The following RMDN1 variants were observed in gnomAD, a reference collection of about 807,000 sequenced individuals.
The protein encoded by RMDN1 is regulator of microtubule dynamics protein 1.
Under a neutral mutation model 48.9 loss-of-function variants are expected in RMDN1, and 48 were observed. The observed-to-expected ratio is 0.98, with a 90% confidence interval of 0.78 to 1.25. The LOEUF (loss-of-function observed/expected upper bound fraction) is 1.25, where lower values mean the gene tolerates loss of function less well. Ranked by LOEUF, RMDN1 falls within the 50% of genes most tolerant of loss-of-function variation. RMDN1 has a pLI of 0.00. For synonymous variants in RMDN1, 148 were observed against 132.6 expected (o/e 1.12, Z -0.80); for missense variants, 418 against 373.4 (o/e 1.12, Z -0.98).
intron 2 of RMDN1, among the ~76,000 whole-genome samples, chr8:86,498,999 G>T (rs1322502409): frequency 6.6e-6 from 1 of 152,004 alleles, no homozygotes; most frequent in African/African-American, 2.4e-5. Flanking sequence ...CACAGAAAAG[G>T]CTTTTGATAA....
chr8:86,478,969 A>G lies in RMDN1; in HGVS notation c.683T>C (p.Ile228Thr). Residue 228 changes from isoleucine to threonine, a missense_variant, in exon 7 of 10, where the codon ATT becomes ACT. Transcript: ENST00000406452. ...FAEMPWYQRRIAKMLFATPPS... is the reference protein window; with the variant it reads ...FAEMPWYQRRTAKMLFATPPS... The stretch of plus-strand genomic sequence containing the variant: ...AGGAGTTGCAAACAGCATTTTAGCA[A>G]TTCTTCTTTGATACCAAGGCATTTC... The G allele has an allele frequency of 1.9e-6, 3 of 1,614,042 alleles. No individual in the cohort carries two copies. Among genetic ancestry groups the G allele is most frequent in the Non-Finnish European group, 1.7e-6 (2 of 1,179,940 alleles).
chr8:86,511,637 G>C (rs6471361), upstream of RMDN1, among the ~76,000 whole-genome samples: 150,638 of 152,148 alleles, frequency 0.99, 74,584 homozygotes, highest in Middle Eastern at 1. Context: ...TGGTGAAACC[G>C]CATCTCTACA....
rs542690779 is a variant in RMDN1, at chr8:86,484,675, AC to A, written c.585+196del. 4.8e-4 allele frequency: 175 copies of A among 366,498 alleles called. 1 individual carries two copies. The highest frequency in any genetic ancestry group is 3.5e-3 in the African/African-American group (161 of 46,250). 22.7% of individuals were successfully genotyped at this position (366,498 alleles called of 1,614,324 possible). A position where few individuals can be genotyped will look rare whatever the true frequency, so the allele number is the denominator to read the frequency against. ...GGAGGTTGTAGTGAGCTGAGATAGC[AC>A]CATTGCACTCTAGCCCGGATGACAA... On this transcript the variant is annotated intron_variant, in intron 5 of 9. Transcript: ENST00000406452.
At chr8:86,501,281 C>A (rs1268423934) in intron 2 of RMDN1, among the ~76,000 whole-genome samples, 2 of 152,314 alleles carry the variant, frequency 1.3e-5, no homozygotes, top group East Asian at 3.9e-4. Context: ...TTTCAAAGTA[C>A]TGAATTTTGT....
At chr8:86,513,798 T>C (rs912774754) in intron 1 of RMDN1, among the ~76,000 whole-genome samples, 2 of 152,164 alleles carry the variant, frequency 1.3e-5, no homozygotes, top group African/African-American at 4.8e-5. Context: ...CATATAAGCA[T>C]GGTTAACAGC....
intron 5 of RMDN1, chr8:86,482,942 G>A (rs771159748): frequency 1.5e-4 from 119 of 814,122 alleles, no homozygotes; most frequent in Non-Finnish European, 2.1e-4. Flanking sequence ...AGGTGGGCTC[G>A]GACGAGGTCC....
intron 4 of RMDN1, among the ~76,000 whole-genome samples, chr8:86,485,352 G>A (rs905071131): frequency 1.3e-5 from 2 of 152,160 alleles, no homozygotes; most frequent in African/African-American, 4.8e-5. Context: ...TTGAACCCGG[G>A]AGATGGAGGT....
intron 3 of RMDN1, 39 bp downstream of exon 3, chr8:86,488,513 G>A (rs1395192780): frequency 2.3e-6 from 3 of 1,303,432 alleles, no homozygotes; most frequent in East Asian, 2.5e-5. Context: ...CAAAAATTTT[G>A]AGGAAACCAC....
At chr8:86,514,329 G>C in exon 1 of RMDN1, 1 of 931,202 alleles carries the variant, frequency 1.1e-6, no homozygotes, top group South Asian at 4.9e-5. Flanking sequence ...CTGACATGCA[G>C]CCCGGAGTCA....
chr8:86,473,147 G>A lies in RMDN1; in HGVS notation c.*1161C>T. The A allele has an allele frequency of 4.1e-6, 4 of 985,240 alleles. No individual in the cohort carries two copies. The highest frequency in any genetic ancestry group is 3.6e-6 in the Non-Finnish European group (3 of 829,838). 61.0% of individuals were successfully genotyped at this position (985,240 alleles called of 1,614,324 possible). On this transcript the variant is annotated 3_prime_UTR_variant, in exon 10 of 10. Coordinates refer to ENST00000406452, the MANE Select transcript of RMDN1 (RefSeq NM_016033.3). The stretch of plus-strand genomic sequence containing the variant: ...GGGTATACAAAGATCACTACTTTCA[G>A]TTTTCCTTTTTGTTTGAAAATGTAC...
downstream of RMDN1, chr8:86,470,470 G>A (rs752892778): frequency 2.2e-4 from 266 of 1,208,230 alleles, no homozygotes; most frequent in Non-Finnish European, 2.8e-4. Context: ...AAGGCACCAT[G>A]TCTTGCAGAA....
intron 2 of RMDN1, among the ~76,000 whole-genome samples, chr8:86,496,102 C>T (rs1244479930): frequency 6.6e-6 from 1 of 152,110 alleles, no homozygotes; most frequent in Non-Finnish European, 1.5e-5. Context: ...AAAGCAAATG[C>T]TAAGGGAATT....
chr8:86,468,934 C>CGG (rs1377091433), downstream of RMDN1, among the ~76,000 whole-genome samples: 1 of 152,118 alleles, frequency 6.6e-6, no homozygotes, highest in Non-Finnish European at 1.5e-5. Flanking sequence ...GTGCAAGACT[C>CGG]TCTGTGCCCA....
Position 86,486,488 on chromosome 8 carries a change from T to C in RMDN1, c.491A>G (p.His164Arg), listed in dbSNP as rs202165473. 1.4e-4 allele frequency: 229 copies of C among 1,597,068 alleles called. No homozygotes were observed. The highest frequency in any genetic ancestry group is 1.8e-4 in the Non-Finnish European group (205 of 1,169,840). Residue 164 changes from histidine (H) to arginine (R), a missense_variant, in exon 4 of 10, where the codon CAT becomes CGT. Physicochemically the swap from His to Arg is conservative, Grantham distance 29 (BLOSUM62 0). Coordinates refer to ENST00000406452, the MANE Select transcript of RMDN1 (RefSeq NM_016033.3). ...TAGCTTAGTTAAGCAACTCACCTTATGAGATGCAAAACTTGATTCATTTTT... is the reference window on the plus strand; with the variant it reads ...TAGCTTAGTTAAGCAACTCACCTTACGAGATGCAAAACTTGATTCATTTTT... ...LEKNESSFAS[H>R]KWYAICLSDV...
intron 9 of RMDN1, 186 bp from the exon 10 acceptor site, chr8:86,474,544 CT>C (rs1244887502): frequency 2.9e-6 from 2 of 694,608 alleles, no homozygotes; most frequent in Non-Finnish European, 5.1e-6. Context: ...CATCCCATGA[CT>C]TTTATGTTTT....
intron 5 of RMDN1, chr8:86,482,522 C>G (rs957013476): frequency 8.6e-6 from 6 of 697,332 alleles, no homozygotes; most frequent in Middle Eastern, 3.9e-4. Context: ...CACACATAAT[C>G]ATAGTATCAC....
Position 86,488,631 on chromosome 8 carries a change from T to C in RMDN1, c.256A>G (p.Ile86Val), listed in dbSNP as rs766715344. Residue 86 changes from isoleucine to valine, a missense_variant, in exon 3 of 10, where the codon ATA (isoleucine) becomes GTA (valine). Physicochemically the swap from Ile to Val is conservative, Grantham distance 29. Coordinates refer to ENST00000406452, the MANE Select transcript of RMDN1 (RefSeq NM_016033.3). The stretch of plus-strand genomic sequence containing the variant: ...TACAGGTAGTCTGCTTGTTCAAGTA[T>C]TTCTTCAACTTCAAAGATTATAAAG... Reference protein sequence around the residue: ...VVHATAKVEEILEQADYLYES... With the variant: ...VVHATAKVEEVLEQADYLYES... 1.2e-6 allele frequency: 2 copies of C among 1,605,688 alleles called. No individual in the cohort carries two copies. Among genetic ancestry groups the C allele is most frequent in the South Asian group, 1.1e-5 (1 of 89,772 alleles).
At chr8:86,481,504 A>G (rs1814422175) in intron 5 of RMDN1, among the ~76,000 whole-genome samples, 1 of 151,694 alleles carries the variant, frequency 6.6e-6, no homozygotes, top group Non-Finnish European at 1.5e-5. Context: ...ATGCATAGGA[A>G]GGAAGTTAAT....
At chr8:86,507,791 T>G (rs1819625992) in intron 1 of RMDN1, among the ~76,000 whole-genome samples, 1 of 152,226 alleles carries the variant, frequency 6.6e-6, no homozygotes, top group South Asian at 2.1e-4. Context: ...TGCCAAATTT[T>G]AACCACCCCT....
Sources: gnomAD v4.1 joint callset for allele counts (sites outside exome capture counted in the v4.1 genomes callset) on GRCh38, gnomAD v4.1.1 for gene constraint, MANE v1.5 for transcripts, NCBI Gene and HGNC (gene_info 2026-07-23, HGNC 2026-07-21) for gene names.